Variants in RRP1B observed in about 807,000 individuals in gnomAD.
RRP1B encodes the protein ribosomal RNA processing protein 1 homolog B.
A neutral mutation model predicts 80.2 loss-of-function variants in RRP1B; 56 were observed. The observed-to-expected ratio is 0.70, with a 90% CI of 0.56 to 0.87. The LOEUF (loss-of-function observed/expected upper bound fraction) is 0.87. Ranked by LOEUF, RRP1B falls within the 40% of genes least tolerant of loss-of-function variation. The pLI is 0.00. For synonymous variants in RRP1B, 351 were observed against 357.6 expected, an observed-to-expected ratio of 0.98 and a Z score of 0.21; for missense variants, 807 against 939.8, an observed-to-expected ratio of 0.86 and a Z score of 1.85.
intron 11 of RRP1B, 134 bp from the exon 12 acceptor site, chr21:43,686,670 C>A: frequency 9.9e-7 from 1 of 1,008,594 alleles, no homozygotes; most frequent in South Asian, 1.6e-5. Flanking sequence ...GTCAGCAGCG[C>A]TCAGGTTTGG....
intron 8 of RRP1B, among the ~76,000 whole-genome samples, chr21:43,682,747 T>C (rs1359520335): frequency 6.6e-6 from 1 of 152,264 alleles, no homozygotes; most frequent in Non-Finnish European, 1.5e-5. Flanking sequence ...ATTGGGGTTT[T>C]ATGGGTACAA....
chr21:43,692,697 C>T (rs1458729166), intron 15 of RRP1B, among the ~76,000 whole-genome samples: 1 of 151,942 alleles, frequency 6.6e-6, no homozygotes, highest in East Asian at 1.9e-4. Flanking sequence ...AGTGTGTGTA[C>T]ATGCACCAGT....
At chr21:43,660,199 A>G (rs1413556734) in intron 1 of RRP1B, among the ~76,000 whole-genome samples, 1 of 152,208 alleles carries the variant, frequency 6.6e-6, no homozygotes, top group African/African-American at 2.4e-5. Context: ...TCGAGGATCT[A>G]TTAGTAATAA....
chr21:43,661,573 A>T (rs1382595519), intron 1 of RRP1B, among the ~76,000 whole-genome samples: 4 of 152,074 alleles, frequency 2.6e-5, no homozygotes, highest in Admixed American at 6.6e-5. Context: ...GGCTCTTTGT[A>T]TCTCACCGAA....
chr21:43,688,376 TGTTCA>T, intron 13 of RRP1B, 136 bp downstream of exon 13: 4 of 1,081,810 alleles, frequency 3.7e-6, no homozygotes, highest in Non-Finnish European at 5.2e-6. Flanking sequence ...GAATAGGGTG[TGTTCA>T]TAACAGCCTT....
In RRP1B at chr21:43,693,377, C is replaced by A. The variant is rs1442674010; in HGVS notation, c.2271C>A (p.Phe757Leu). 1.9e-6 allele frequency: 3 copies of A among 1,571,804 alleles called. No homozygotes were observed. Among genetic ancestry groups the A allele is most frequent in the Non-Finnish European group, 2.6e-6 (3 of 1,160,162 alleles). Residue 757 changes from phenylalanine to leucine, a missense_variant, in exon 16 of 16, where the codon TTC becomes TTA. Transcript: ENST00000340648. The surrounding 1 kb of genome is among the most constrained non-coding windows in gnomAD (Gnocchi z 4.1). ...GGAGAAGGCCCAGGGCTATGGATTT[C>A]TTCTGAGGAGCAGCAGAGTCCCTTG... ...TPRRRPRAMD[F>L]F
intron 1 of RRP1B, among the ~76,000 whole-genome samples, chr21:43,667,953 T>C (rs1371556261): frequency 6.6e-6 from 1 of 152,158 alleles, no homozygotes; most frequent in African/African-American, 2.4e-5. Flanking sequence ...CATGCCAGTA[T>C]TCCCAGCACT....
chr21:43,676,969 A>T, intron 8 of RRP1B, 55 bp downstream of exon 8: 1 of 1,549,750 alleles, frequency 6.5e-7, no homozygotes, highest in Non-Finnish European at 8.8e-7. Context: ...TCCTCCTCAG[A>T]CAAACAGTTT....
chr21:43,683,411 T>G (rs1282898089), intron 9 of RRP1B, 38 bp downstream of exon 9: 70 of 1,517,886 alleles, frequency 4.6e-5, no homozygotes, highest in Non-Finnish European at 6.4e-5. Flanking sequence ...AATATAGATT[T>G]GCTGTGGAGT....
rs146636619 is a variant in RRP1B at position 43,683,286 on chromosome 21, C to T, written c.804C>T (p.Gly268=). ...TTGGGTATATTTTGACAGCACTGGG[C>T]AAAAACCATTCCAGAAAAGATGGAC... ...RAVSKKKTAL[G]KNHSRKDGLS... Residue 268 remains glycine (G), a synonymous_variant, in exon 9 of 16, where the codon GGC becomes GGT. Transcript: ENST00000340648. 1 of 1,613,940 alleles carries T rather than the reference C, an allele frequency of 6.2e-7. No homozygotes were observed. The highest frequency in any genetic ancestry group is 2.2e-5 in the East Asian group (1 of 44,882).
At chr21:43,672,498 C>A in intron 3 of RRP1B, 133 bp downstream of exon 3, 1 of 757,554 alleles carries the variant, frequency 1.3e-6, no homozygotes, top group Non-Finnish European at 2.3e-6. Context: ...TAAACTTAGT[C>A]ATTGACTTGG....
rs1036503629 is a variant in RRP1B, at chr21:43,669,961, C to T, written c.208C>T (p.Leu70=). The change falls in exon 2 of 16, where the codon CTA becomes TTA. Residue 70 remains leucine (L), a synonymous_variant. Transcript: ENST00000340648. ...CATGTGGGTGCAGGATGAACCCCTT[C>T]TACAGGTAACATGCGTTCCCTTTGT... ...YCMWVQDEPL[L]QEELANTIAQ... is the part of the protein sequence containing the mutation. 50 of 1,603,728 alleles carry T rather than the reference C, an allele frequency of 3.1e-5. No individual in the cohort carries two copies. Among genetic ancestry groups the T allele is most frequent in the Non-Finnish European group, 3.7e-5 (43 of 1,172,398 alleles).
rs776611118 is a variant in RRP1B, at chr21:43,687,608, G to A, written c.1234G>A (p.Glu412Lys). ...GAAGAAGAAGCACCACCTGCAGCCT[G>A]AAAATCCAGGCCCAGGGGGTGCAGC... is the stretch of plus-strand genomic sequence containing the variant. ...KKKKKHHLQPENPGPGGAAPS... is the reference protein window; with the variant it reads ...KKKKKHHLQPKNPGPGGAAPS... Residue 412 changes from glutamate (E) to lysine (K), a missense_variant, in exon 13 of 16, where the codon GAA becomes AAA. Coordinates refer to ENST00000340648, the MANE Select transcript of RRP1B (RefSeq NM_015056.3). 7.9e-6 allele frequency: 12 copies of A among 1,522,388 alleles called. No homozygotes were observed. In the African/African-American group the frequency reaches 1.3e-4, roughly 16 times the overall value. The allele number at this position is 1,522,388 out of a possible 1,614,324, so 94.3% of individuals were successfully genotyped here. A position where few individuals can be genotyped will look rare whatever the true frequency, so the allele number is the denominator to read the frequency against.
At position 43,669,879 on chromosome 21, in the gene RRP1B, TC is replaced by T; in HGVS notation, c.131-3del. On this transcript the variant is annotated splice_polypyrimidine_tract_variant and splice_region_variant and intron_variant, in intron 1 of 15. Coordinates refer to ENST00000340648, the MANE Select transcript of RRP1B (RefSeq NM_015056.3). The stretch of plus-strand genomic sequence containing the variant: ...CTAAGATGTTTGTATTGTTTTGCCT[TC>T]CAGGAGGTTTCAGTCAGGAAGAACT... 1 of 1,610,000 alleles carries T rather than the reference TC, an allele frequency of 6.2e-7. No individual in the cohort carries two copies. The highest frequency in any genetic ancestry group is 8.5e-7 in the Non-Finnish European group (1 of 1,176,742).
chr21:43,674,409 A>C lies in RRP1B; in HGVS notation c.358-227A>C, dbSNP rs2083012720. ...TGGCCTCAAATGATCTGCCCACCTC[A>C]GCCTCCCAAAATGCTGGGGTTACAG... On this transcript the variant is annotated intron_variant, in intron 4 of 15. Transcript: ENST00000340648. 2.0e-5 allele frequency among the ~76,000 whole-genome samples: 3 copies of C among 152,030 alleles called. No homozygotes were observed. In the South Asian group the frequency reaches 6.2e-4, roughly 31 times the overall value.
chr21:43,668,360 C>CTTT (rs767474011), intron 1 of RRP1B, among the ~76,000 whole-genome samples: 3 of 140,540 alleles, frequency 2.1e-5, no homozygotes. Flanking sequence ...CTTTTTGTCA[C>CTTT]TTTTTTTTTT....
chr21:43,670,678 T>C (rs1336134273), intron 2 of RRP1B, among the ~76,000 whole-genome samples: 2 of 131,056 alleles, frequency 1.5e-5, no homozygotes, highest in African/African-American at 5.1e-5. Flanking sequence ...CCTTATGAGA[T>C]TTTTTTTTTT....
rs1244945416 is a variant in RRP1B at position 43,674,638 on chromosome 21, G to GATTCGTCT, written c.361_368dup (p.Val124PhefsTer5). 1 of 727,466 alleles carries GATTCGTCT rather than the reference G, an allele frequency of 1.4e-6. No homozygotes were observed. The highest frequency in any genetic ancestry group is 6.5e-5 in the East Asian group (1 of 15,444). The allele number at this position is 727,466 out of a possible 1,614,324, so 45.1% of individuals were successfully genotyped here. A position where few individuals can be genotyped will look rare whatever the true frequency, so the allele number is the denominator to read the frequency against. The stretch of plus-strand genomic sequence containing the variant: ...AAACAAAAATTGCCTTTCTTTAGCT[G>GATTCGTCT]ATTCGTCTGGTCCTGAGGCAGTCCT... On this transcript the variant is annotated frameshift_variant, in exon 5 of 16. Transcript: ENST00000340648. LOFTEE classifies it high-confidence loss of function.
chr21:43,680,221 T>C (rs2083037955), intron 8 of RRP1B, among the ~76,000 whole-genome samples: 1 of 152,174 alleles, frequency 6.6e-6, no homozygotes, highest in East Asian at 1.9e-4. Context: ...TTCGTGCTTT[T>C]AAAAAATCTG....
Sources: allele counts gnomAD v4.1 joint callset (sites outside exome capture counted in the v4.1 genomes callset), GRCh38; gene constraint gnomAD v4.1.1; non-coding constraint Gnocchi (gnomAD v3.1); transcripts MANE v1.5; gene names NCBI Gene and HGNC (gene_info 2026-07-23, HGNC 2026-07-21).